The following CPAP variants were observed in gnomAD, a reference collection of about 807,000 sequenced individuals.
CPAP encodes the protein centrosomal P4.1-associated protein.
the CPAP span, chr13:24,886,348 C>G: frequency 6.2e-6 from 8 of 1,289,220 alleles, no homozygotes; most frequent in South Asian, 8.6e-5. Flanking sequence ...GGTGGTCAGC[C>G]AACAAGCTGC....
the CPAP span, chr13:24,883,440 G>T: frequency 7.9e-7 from 1 of 1,264,058 alleles, no homozygotes; most frequent in Non-Finnish European, 1.1e-6. Context: ...AAAAACTACT[G>T]AAAAGTAGCC....
At chr13:24,893,738 A>G in the CPAP span, among the ~76,000 whole-genome samples, 3 of 152,280 alleles carry the variant, frequency 2.0e-5, no homozygotes, top group African/African-American at 7.2e-5. Context: ...AAGCACTTTT[A>G]TCATGCAGGA....
the CPAP span, chr13:24,910,023 C>G: frequency 1.2e-6 from 2 of 1,613,836 alleles, no homozygotes; most frequent in Non-Finnish European, 1.7e-6. Context: ...GGCTCTCTCT[C>G]CAGTGGTGGT....
At chr13:24,919,065 AAG>A in the CPAP span, among the ~76,000 whole-genome samples, 13 of 152,332 alleles carry the variant, frequency 8.5e-5, no homozygotes, top group African/African-American at 3.1e-4. Flanking sequence ...GAAAAGAAAA[AAG>A]AAAATTATTT....
At chr13:24,883,391 T>A in the CPAP span, 1 of 1,541,076 alleles carries the variant, frequency 6.5e-7, no homozygotes, top group Non-Finnish European at 8.8e-7. Context: ...AAAAAAAATA[T>A]GATTTCTTAA....
the CPAP span, among the ~76,000 whole-genome samples, chr13:24,904,449 A>G: frequency 1.3e-5 from 2 of 152,226 alleles, no homozygotes; most frequent in Non-Finnish European, 2.9e-5. Flanking sequence ...ATAAATGCAA[A>G]TTGTTTTCCC....
At chr13:24,908,137 A>T in the CPAP span, 1 of 1,567,124 alleles carries the variant, frequency 6.4e-7, no homozygotes, top group Non-Finnish European at 8.8e-7. Flanking sequence ...CTGAGATAAA[A>T]ATTAAGAACA....
At chr13:24,929,236 G>A in the CPAP span, among the ~76,000 whole-genome samples, 2 of 152,070 alleles carry the variant, frequency 1.3e-5, no homozygotes, top group East Asian at 1.9e-4. Flanking sequence ...GCTAATTTTT[G>A]TTTTTTGTAG....
chr13:24,914,261 C>T, the CPAP span, among the ~76,000 whole-genome samples: 2 of 152,106 alleles, frequency 1.3e-5, no homozygotes, highest in African/African-American at 4.8e-5. Flanking sequence ...CCCAGCCTTC[C>T]TAACCTTCAT....
At chr13:24,918,277 C>T in the CPAP span, among the ~76,000 whole-genome samples, 106 of 152,104 alleles carry the variant, frequency 7.0e-4, 3 homozygotes, top group East Asian at 0.013. Context: ...TGTGGCAAAG[C>T]GAACAGAAAA....
the CPAP span, among the ~76,000 whole-genome samples, chr13:24,902,220 GA>G: frequency 1.7e-5 from 2 of 118,530 alleles, no homozygotes; most frequent in Non-Finnish European, 3.4e-5. Flanking sequence ...AAGCAAAACC[GA>G]AATAGGGAAA....
At chr13:24,885,404 T>G in the CPAP span, 1 of 1,549,220 alleles carries the variant, frequency 6.5e-7, no homozygotes, top group South Asian at 1.1e-5. Context: ...CACAACACAT[T>G]TCAAGCAGCT....
At chr13:24,882,429 G>GT in the CPAP span, 2 of 151,994 alleles carry the variant, frequency 1.3e-5, no homozygotes, top group East Asian at 3.9e-4. Context: ...AAGTAAGTAA[G>GT]TAAGTGACTT....
the CPAP span, chr13:24,906,421 C>T: frequency 6.2e-7 from 1 of 1,613,704 alleles, no homozygotes; most frequent in South Asian, 1.1e-5. Context: ...TTATGGGGCT[C>T]TTAGCAGCCA....
chr13:24,930,301 AT>A, the CPAP span, among the ~76,000 whole-genome samples: 1 of 151,714 alleles, frequency 6.6e-6, no homozygotes, highest in African/African-American at 2.4e-5. Context: ...AATAATCTTT[AT>A]TTTTTTAAAT....
At chr13:24,882,423 A>G in the CPAP span, 1 of 152,044 alleles carries the variant, frequency 6.6e-6, no homozygotes, top group African/African-American at 2.4e-5. Context: ...ATTTACAAGT[A>G]AGTAAGTAAG....
the CPAP span, chr13:24,886,291 G>T: frequency 7.8e-7 from 1 of 1,288,736 alleles, no homozygotes; most frequent in Non-Finnish European, 1.0e-6. Flanking sequence ...AAGTGTAACA[G>T]AGCTGGATGT....
chr13:24,923,739 A>G, the CPAP span, among the ~76,000 whole-genome samples: 1 of 152,232 alleles, frequency 6.6e-6, no homozygotes, highest in South Asian at 2.1e-4. Flanking sequence ...TTGGTCCTCC[A>G]AAATTTGTTT....
chr13:24,883,862 G>T, the CPAP span: 2 of 1,300,936 alleles, frequency 1.5e-6, no homozygotes, highest in African/African-American at 2.9e-5. Flanking sequence ...CCTAATATGG[G>T]TGTCACATAT....
Sources: allele counts gnomAD v4.1 joint callset (sites outside exome capture counted in the v4.1 genomes callset), GRCh38; gene constraint gnomAD v4.1.1; transcripts MANE v1.5; gene names NCBI Gene and HGNC (gene_info 2026-07-23, HGNC 2026-07-21).